RPTOR: variants seen among roughly 807,000 people sequenced by gnomAD.
The protein encoded by RPTOR is regulatory-associated protein of mTOR.
A neutral mutation model predicts 169.9 loss-of-function variants in RPTOR; 21 were observed. The observed-to-expected ratio is 0.12, with a 90% CI of 0.09 to 0.18. RPTOR has a LOEUF of 0.18. Ranked by LOEUF, RPTOR falls within the 10% of genes least tolerant of loss-of-function variation. The pLI is 1.00. For missense variants in RPTOR, 1,133 were observed against 1,855.9 expected (o/e 0.61, Z 7.16); for synonymous variants, 732 against 753.2 (o/e 0.97, Z 0.46).
intron 11 of RPTOR, among the ~76,000 whole-genome samples, chr17:80,851,702 G>A (rs973057515): frequency 6.6e-6 from 1 of 152,216 alleles, no homozygotes; most frequent in Non-Finnish European, 1.5e-5. Flanking sequence ...ACCACATCAC[G>A]GTGGTGATTG....
rs1555594158 is a variant in RPTOR, at chr17:80,601,555, C to CTTCTTTTT, written c.163-24134_163-24133insCTTTTTTT. On this transcript the variant is annotated intron_variant, in intron 1 of 33. Coordinates refer to ENST00000306801, the MANE Select transcript of RPTOR (RefSeq NM_020761.3). ...CTGCTGTTGGTGAAGATGGTTCAGT[C>CTTCTTTTT]TTTTTTTTTTTTTTTTTAAATTTAT... Among the ~76,000 whole-genome samples, 9 of 18,000 alleles carry CTTCTTTTT rather than the reference C, an allele frequency of 5.0e-4. 4 individuals are homozygous for CTTCTTTTT. Among genetic ancestry groups the CTTCTTTTT allele is most frequent in the African/African-American group, 2.1e-3 (6 of 2,864 alleles). The allele number at this position is 18,000 out of a possible 152,430, so 11.8% of individuals were successfully genotyped here.
At position 80,891,756 on chromosome 17, in the gene RPTOR, T is replaced by C. The variant is rs768927275; in HGVS notation, c.2020T>C (p.Tyr674His). The C allele has an allele frequency of 3.7e-6, 6 of 1,614,142 alleles. No individual in the cohort carries two copies. The South Asian group carries it at 6.6e-5, about 18-fold the overall frequency. ...GGCTCTGAGTCATCTTGTGGTTCAG[T>C]ATGAAAGCAATTTCTGCACCGTGGC... The part of the protein sequence containing the change: ...VVALSHLVVQ[Y>H]ESNFCTVALQ... The change falls in exon 18 of 34, where the codon TAT (tyrosine) becomes CAT (histidine). Residue 674 changes from tyrosine (Y) to histidine (H), a missense_variant. Transcript: ENST00000306801.
At chr17:80,673,799 A>C (rs2065840423) in intron 3 of RPTOR, among the ~76,000 whole-genome samples, 1 of 152,242 alleles carries the variant, frequency 6.6e-6, no homozygotes, top group Admixed American at 6.5e-5. Flanking sequence ...CAGCATTGGC[A>C]GCCATCAAAT....
At chr17:80,963,086 G>T in intron 33 of RPTOR, 29 bp downstream of exon 33, 1 of 1,372,010 alleles carries the variant, frequency 7.3e-7, no homozygotes, top group Non-Finnish European at 1.0e-6. Context: ...GGGGGTCGGG[G>T]GTCGGGGGCT....
intron 21 of RPTOR, among the ~76,000 whole-genome samples, chr17:80,913,160 G>A (rs2068632790): frequency 6.6e-6 from 1 of 152,182 alleles, no homozygotes; most frequent in African/African-American, 2.4e-5. Flanking sequence ...TCTAGGAACT[G>A]AAGGGATTAC....
chr17:80,886,845 G>A (rs1230228499), intron 17 of RPTOR, among the ~76,000 whole-genome samples: 1 of 152,244 alleles, frequency 6.6e-6, no homozygotes, highest in Non-Finnish European at 1.5e-5. Flanking sequence ...AGGGCGTGTA[G>A]AGGGGGATGA....
At chr17:80,944,335 C>T (rs2069071792) in intron 25 of RPTOR, among the ~76,000 whole-genome samples, 1 of 152,236 alleles carries the variant, frequency 6.6e-6, no homozygotes, top group Non-Finnish European at 1.5e-5. Flanking sequence ...CGAATCAGAG[C>T]CCTACCGAGC....
intron 6 of RPTOR, among the ~76,000 whole-genome samples, chr17:80,765,695 A>G (rs1382933345): frequency 6.6e-6 from 1 of 152,006 alleles, no homozygotes; most frequent in Non-Finnish European, 1.5e-5. Flanking sequence ...AGCGTCTCTC[A>G]TTTGCCATGA....
intron 1 of RPTOR, among the ~76,000 whole-genome samples, chr17:80,559,762 TTGTCC>T (rs2084456603): frequency 6.6e-6 from 1 of 152,196 alleles, no homozygotes; most frequent in Non-Finnish European, 1.5e-5. Flanking sequence ...ACCAGCTCCA[TTGTCC>T]TCATTTAATC....
At chr17:80,865,838 G>A (rs949289405) in intron 13 of RPTOR, among the ~76,000 whole-genome samples, 15 of 152,162 alleles carry the variant, frequency 9.9e-5, no homozygotes, top group African/African-American at 3.6e-4. Context: ...CCACACAGCA[G>A]CCATGCAGTG....
At chr17:80,546,972 G>T (rs2143191718) in intron 1 of RPTOR, among the ~76,000 whole-genome samples, 1 of 152,266 alleles carries the variant, frequency 6.6e-6, no homozygotes, top group East Asian at 1.9e-4. Flanking sequence ...GAGAAGCTGA[G>T]GCTGGAGAAT....
chr17:80,630,871 T>C (rs1442395736), intron 2 of RPTOR, among the ~76,000 whole-genome samples: 1 of 152,140 alleles, frequency 6.6e-6, no homozygotes, highest in African/African-American at 2.4e-5. Context: ...GCACAGGATT[T>C]CCATTGCTAG....
At chr17:80,589,057 C>G (rs2065084424) in intron 1 of RPTOR, among the ~76,000 whole-genome samples, 1 of 152,224 alleles carries the variant, frequency 6.6e-6, no homozygotes, top group African/African-American at 2.4e-5. Context: ...ACGAGGGTGA[C>G]TGCCAGTCCC....
chr17:80,830,301 C>T (rs113686288), intron 9 of RPTOR, among the ~76,000 whole-genome samples: 11 of 152,304 alleles, frequency 7.2e-5, no homozygotes, highest in African/African-American at 1.7e-4. Flanking sequence ...GACCCCGCCC[C>T]GCCCCAACTC....
chr17:80,580,391 G>A (rs2143355920), intron 1 of RPTOR, among the ~76,000 whole-genome samples: 1 of 152,282 alleles, frequency 6.6e-6, no homozygotes, highest in Admixed American at 6.5e-5. Flanking sequence ...CCGCTCGTGG[G>A]GTCTGAGGGA....
chr17:80,900,660 T>A (rs1270585759), intron 20 of RPTOR, among the ~76,000 whole-genome samples: 1 of 152,218 alleles, frequency 6.6e-6, no homozygotes, highest in Non-Finnish European at 1.5e-5. Context: ...CACCCCTCGG[T>A]GCTCACCTGG....
chr17:80,880,370 C>T lies in RPTOR; in HGVS notation c.1510-45C>T, dbSNP rs112189624. On this transcript the variant is annotated intron_variant, in intron 13 of 33. Coordinates refer to ENST00000306801, the MANE Select transcript of RPTOR (RefSeq NM_020761.3). ...CACCATGAGAAGCTTGTGGCATCTG[C>T]GGGACACTGCACTCACTGCCTCTCC... The T allele has an allele frequency of 1.1e-4, 163 of 1,533,660 alleles. 1 individual carries two copies. Among genetic ancestry groups the T allele is most frequent in the African/African-American group, 3.8e-4 (28 of 73,632 alleles).
rs2067465880 is a variant in RPTOR, at chr17:80,828,226, G to A, written c.1136+5003G>A. ...CTGATCAGGCAGAGACGAGCAGGGA[G>A]TGGCACTTAGCGACCTGCTGTAGTC... On this transcript the variant is annotated intron_variant, in intron 9 of 33. Coordinates refer to ENST00000306801, the MANE Select transcript of RPTOR (RefSeq NM_020761.3). 2.0e-5 allele frequency among the ~76,000 whole-genome samples: 3 copies of A among 152,206 alleles called. No individual in the cohort carries two copies. The South Asian group carries it at 6.2e-4, about 31-fold the overall frequency.
Position 80,845,150 on chromosome 17 carries a change from C to T in RPTOR, c.1213-1323C>T, listed in dbSNP as rs2067714002. Among the ~76,000 whole-genome samples the T allele has an allele frequency of 1.3e-5, 2 of 152,082 alleles. No individual in the cohort carries two copies. Among genetic ancestry groups the T allele is most frequent in the Admixed American group, 1.3e-4 (2 of 15,284 alleles). On this transcript the variant is annotated intron_variant, in intron 10 of 33. Coordinates refer to ENST00000306801, the MANE Select transcript of RPTOR (RefSeq NM_020761.3). The surrounding 1 kb of genome is among the most constrained non-coding windows in gnomAD (Gnocchi z 5.4). The stretch of plus-strand genomic sequence containing the variant: ...CTGCAGCCTTCACGCTCTCCAGCCG[C>T]AGGCCCAGCAGCCCTGCTGCCCACC...
Sources: allele counts gnomAD v4.1 joint callset (sites outside exome capture counted in the v4.1 genomes callset), GRCh38; gene constraint gnomAD v4.1.1; non-coding constraint Gnocchi (gnomAD v3.1); transcripts MANE v1.5; gene names NCBI Gene and HGNC (gene_info 2026-07-23, HGNC 2026-07-21).